The following CYP2C19 variants were observed in gnomAD, a reference collection of about 807,000 sequenced individuals.
The protein encoded by CYP2C19 is cytochrome P450 2C19.
A neutral mutation model predicts 40.9 loss-of-function variants in CYP2C19; 59 were observed. The observed-to-expected ratio is 1.44, with a 90% CI of 1.17 to 1.79. The LOEUF is 1.79. CYP2C19 is among the 40% of genes most tolerant of loss of function. CYP2C19 has a pLI of 0.00. For missense variants in CYP2C19, 754 were observed against 596.9 expected (o/e 1.26, Z -2.74); for synonymous variants, 253 against 208.7 (o/e 1.21, Z -1.83).
At chr10:94,773,470 G>A (rs528812583) in intron 1 of CYP2C19, among the ~76,000 whole-genome samples, 4 of 152,116 alleles carry the variant, frequency 2.6e-5, no homozygotes, top group Non-Finnish European at 4.4e-5. Flanking sequence ...ATCCAGAGTT[G>A]TTCATTCCTC....
Position 94,804,664 on chromosome 10 carries a change from A to T in CYP2C19, c.820-15832A>T, listed in dbSNP as rs144948177. On this transcript the variant is annotated intron_variant, in intron 5 of 8. Coordinates refer to ENST00000371321, the MANE Select transcript of CYP2C19 (RefSeq NM_000769.4). ...GAGTAGCCAGGGGAGGCTCTCTTTC[A>T]CATAACGGGTCTGTACTTACTTTTA... Among the ~76,000 whole-genome samples, 499 of 152,182 alleles carry T rather than the reference A, an allele frequency of 3.3e-3. 1 individual carries two copies. The highest frequency in any genetic ancestry group is 0.012 in the African/African-American group (480 of 41,528).
intron 5 of CYP2C19, among the ~76,000 whole-genome samples, chr10:94,804,083 T>G (rs1589360367): frequency 6.6e-6 from 1 of 152,128 alleles, no homozygotes; most frequent in Non-Finnish European, 1.5e-5. Flanking sequence ...TGGCTAGGAC[T>G]GCTGGTCCAG....
intron 5 of CYP2C19, among the ~76,000 whole-genome samples, chr10:94,799,464 C>T (rs1221335280): frequency 2.0e-5 from 3 of 152,274 alleles, no homozygotes; most frequent in South Asian, 2.1e-4. Context: ...TTTGGTGAAT[C>T]TGACAATTAT....
intron 5 of CYP2C19, among the ~76,000 whole-genome samples, chr10:94,818,185 A>C (rs1393829247): frequency 6.8e-6 from 1 of 146,888 alleles, no homozygotes; most frequent in Non-Finnish European, 1.5e-5. Context: ...GGTTTGTCAA[A>C]GATCAGATAG....
At position 94,854,802 on chromosome 10, in the gene CYP2C19, C is replaced by T. The variant is rs1849707804; in HGVS notation, c.*1888C>T. Among the ~76,000 whole-genome samples, 1 of 152,030 alleles carries T rather than the reference C, an allele frequency of 6.6e-6. No individual in the cohort carries two copies. The highest frequency in any genetic ancestry group is 1.5e-5 in the Non-Finnish European group (1 of 68,010). ...CTACCAAGTAATATGCCAGCAAAAC[C>T]TCTAAGGTGATAGAAACATAGGCAA... is the stretch of plus-strand genomic sequence containing the variant. On this transcript the variant is annotated 3_prime_UTR_variant, in exon 9 of 9. Coordinates refer to ENST00000371321, the MANE Select transcript of CYP2C19 (RefSeq NM_000769.4).
In CYP2C19 at chr10:94,853,734, G is replaced by T. The variant is rs1344196736; in HGVS notation, c.*820G>T. On this transcript the variant is annotated 3_prime_UTR_variant, in exon 9 of 9. Coordinates refer to ENST00000371321, the MANE Select transcript of CYP2C19 (RefSeq NM_000769.4). ...CTAATTTTTTTGTATTTTTAGTACA[G>T]ACAGGGTTTCACCATGTTAGCCAGG... Among the ~76,000 whole-genome samples, 1 of 151,866 alleles carries T rather than the reference G, an allele frequency of 6.6e-6. No homozygotes were observed. The highest frequency in any genetic ancestry group is 1.5e-5 in the Non-Finnish European group (1 of 67,964).
At chr10:94,846,888 T>C (rs1404450017) in intron 7 of CYP2C19, among the ~76,000 whole-genome samples, 4 of 151,920 alleles carry the variant, frequency 2.6e-5, no homozygotes, top group African/African-American at 9.7e-5. Context: ...TATCTTTAAA[T>C]GATAACAAAC....
At chr10:94,776,229 CTATT>C (rs1332126781) in intron 3 of CYP2C19, 4 of 152,196 alleles carry the variant, frequency 2.6e-5, no homozygotes, top group Admixed American at 6.5e-5. Context: ...ACACAAATGT[CTATT>C]TATAAAATAA....
chr10:94,816,466 G>A (rs892151248), intron 5 of CYP2C19, among the ~76,000 whole-genome samples: 3 of 151,986 alleles, frequency 2.0e-5, no homozygotes, highest in Non-Finnish European at 4.4e-5. Flanking sequence ...ATACCAAACA[G>A]CAGGCTATTT....
intron 6 of CYP2C19, among the ~76,000 whole-genome samples, chr10:94,824,510 G>A (rs1849181617): frequency 1.3e-5 from 2 of 152,220 alleles, no homozygotes; most frequent in South Asian, 4.1e-4. Flanking sequence ...AAGCACAGCT[G>A]CACAAATACA....
intron 6 of CYP2C19, among the ~76,000 whole-genome samples, chr10:94,827,726 T>C (rs1367221136): frequency 3.3e-5 from 5 of 152,232 alleles, no homozygotes; most frequent in Non-Finnish European, 7.3e-5. Flanking sequence ...TGTTTGCTCT[T>C]GCTTTTCTAG....
chr10:94,771,154 C>T (rs985566883), intron 1 of CYP2C19, among the ~76,000 whole-genome samples: 1 of 151,986 alleles, frequency 6.6e-6, no homozygotes, highest in East Asian at 1.9e-4. Context: ...GGAGAAGCGG[C>T]CATGTACCCA....
chr10:94,843,106 C>A, intron 7 of CYP2C19, 82 bp downstream of exon 7: 1 of 1,536,406 alleles, frequency 6.5e-7, no homozygotes, highest in African/African-American at 1.4e-5. Context: ...TCTACCATCA[C>A]TGGGTGAGAG....
intron 6 of CYP2C19, among the ~76,000 whole-genome samples, chr10:94,835,531 G>T (rs1464594533): frequency 6.6e-6 from 1 of 152,214 alleles, no homozygotes; most frequent in South Asian, 2.1e-4. Flanking sequence ...GGAGGGTTCT[G>T]CCTTGCAGCT....
intron 7 of CYP2C19, among the ~76,000 whole-genome samples, chr10:94,847,024 C>G (rs1472259442): frequency 6.6e-6 from 1 of 151,954 alleles, no homozygotes; most frequent in Non-Finnish European, 1.5e-5. Context: ...AATAGACACT[C>G]TGGCCATTTC....
chr10:94,810,637 T>G (rs1460717903), intron 5 of CYP2C19, among the ~76,000 whole-genome samples: 2 of 152,182 alleles, frequency 1.3e-5, no homozygotes, highest in Non-Finnish European at 2.9e-5. Flanking sequence ...GTCTAGAAAT[T>G]TATCCATTTC....
In CYP2C19 at chr10:94,820,414, A is replaced by C. The variant is rs555089598; in HGVS notation, c.820-82A>C. 9 of 1,488,938 alleles carry C rather than the reference A, an allele frequency of 6.0e-6. No individual in the cohort carries two copies. The East Asian group carries it at 1.8e-4, about 30-fold the overall frequency. 92.2% of individuals were successfully genotyped at this position (1,488,938 alleles called of 1,614,324 possible). The stretch of plus-strand genomic sequence containing the variant: ...TTACAGTTTCTATGTTGGTAAGTAT[A>C]CAATGTGAGTAATTTTGAATTTACT... On this transcript the variant is annotated intron_variant, in intron 5 of 8. Transcript: ENST00000371321.
At chr10:94,820,676 A>G (rs764300927) in intron 6 of CYP2C19, 39 bp downstream of exon 6, 8 of 1,613,300 alleles carry the variant, frequency 5.0e-6, no homozygotes, top group African/African-American at 1.3e-5. Context: ...GTTTTAGGAA[A>G]GATGTTGGGA....
At chr10:94,817,734 C>T (rs540514845) in intron 5 of CYP2C19, among the ~76,000 whole-genome samples, 1 of 152,224 alleles carries the variant, frequency 6.6e-6, no homozygotes, top group South Asian at 2.1e-4. Flanking sequence ...AAATCTTTGG[C>T]CGGGTGCGGT....
Sources: allele counts gnomAD v4.1 joint callset (sites outside exome capture counted in the v4.1 genomes callset), GRCh38; gene constraint gnomAD v4.1.1; transcripts MANE v1.5; gene names NCBI Gene and HGNC (gene_info 2026-07-23, HGNC 2026-07-21).